Variants in MYO1D observed in about 807,000 individuals in gnomAD.
The protein encoded by MYO1D is myosin ID, also known as unconventional myosin-Id.
In MYO1D, 83 loss-of-function variants were observed where a neutral mutation model predicts 122.0. The observed-to-expected ratio is 0.68, with a 90% CI of 0.57 to 0.82. The LOEUF (loss-of-function observed/expected upper bound fraction) is 0.82, where lower values mean the gene tolerates loss of function less well. Ranked by LOEUF, MYO1D falls within the 40% of genes least tolerant of loss-of-function variation. The probability of loss-of-function intolerance (pLI) is 0.00; values close to 1 mark genes in which losing one functional copy is unlikely to be tolerated. For synonymous variants in MYO1D, 464 were observed against 446.9 expected, an observed-to-expected ratio of 1.04 and a Z score of -0.48; for missense variants, 1,157 against 1,269.5, an observed-to-expected ratio of 0.91 and a Z score of 1.35.
chr17:32,772,829 A>G lies in MYO1D; in HGVS notation c.578T>C (p.Val193Ala), dbSNP rs764291870. ...AAAGCTTCTTTCTCCTGGCTGTTGC[A>G]CAATCACTCGAGACTAAGAAAAAAC... is the stretch of plus-strand genomic sequence containing the variant. ...NYLLEKSRVI[V>A]QQPGERSFHS... The change falls in exon 5 of 22, where the codon GTG (valine) becomes GCG (alanine). Residue 193 changes from valine (V) to alanine (A), a missense_variant. Physicochemically the swap from Val to Ala is moderately conservative, Grantham distance 64. Transcript: ENST00000318217. The G allele has an allele frequency of 1.9e-6, 3 of 1,613,710 alleles. No individual in the cohort carries two copies. The highest frequency in any genetic ancestry group is 2.5e-6 in the Non-Finnish European group (3 of 1,179,556).
intron 21 of MYO1D, among the ~76,000 whole-genome samples, chr17:32,502,897 C>T (rs904697306): frequency 3.3e-5 from 5 of 152,186 alleles, no homozygotes; most frequent in African/African-American, 9.7e-5. Context: ...GGACAGCTGC[C>T]GAGGGAGGCT....
chr17:32,612,329 C>G (rs1310452781), intron 20 of MYO1D, among the ~76,000 whole-genome samples: 2 of 152,046 alleles, frequency 1.3e-5, no homozygotes, highest in African/African-American at 4.8e-5. Flanking sequence ...AAAAAACAGG[C>G]AAAACCGCAA....
chr17:32,639,360 AT>A (rs560119328), intron 19 of MYO1D, among the ~76,000 whole-genome samples: 1 of 100,014 alleles, frequency 1.0e-5, no homozygotes, highest in Non-Finnish European at 2.1e-5. Flanking sequence ...ATTGGGAGAA[AT>A]TTTGTGTGTG....
intron 21 of MYO1D, among the ~76,000 whole-genome samples, chr17:32,595,371 T>C (rs138201046): frequency 1.9e-4 from 29 of 152,324 alleles, no homozygotes; most frequent in South Asian, 1.5e-3. Context: ...TCTGAGGTGA[T>C]AGATATGCTA....
At chr17:32,713,815 G>A (rs914906592) in intron 15 of MYO1D, among the ~76,000 whole-genome samples, 1 of 151,968 alleles carries the variant, frequency 6.6e-6, no homozygotes. Context: ...GTAGAGATGG[G>A]GTTTTACCAT....
chr17:32,667,116 G>A (rs776781777), intron 16 of MYO1D, among the ~76,000 whole-genome samples: 9 of 152,178 alleles, frequency 5.9e-5, no homozygotes, highest in African/African-American at 1.7e-4. Flanking sequence ...ATGAACTCTC[G>A]TTGAATGAAC....
intron 1 of MYO1D, among the ~76,000 whole-genome samples, chr17:32,820,887 A>C (rs2090655363): frequency 1.3e-5 from 2 of 152,000 alleles, no homozygotes; most frequent in Admixed American, 6.5e-5. Flanking sequence ...TTTAACTTTT[A>C]TTTTAAGTTA....
At chr17:32,750,384 C>T (rs1331931226) in intron 11 of MYO1D, among the ~76,000 whole-genome samples, 7 of 152,030 alleles carry the variant, frequency 4.6e-5, no homozygotes, top group African/African-American at 9.7e-5. Flanking sequence ...GAAGCTGAGG[C>T]GGGCGGATTC....
chr17:32,828,653 G>A (rs2090745656), intron 1 of MYO1D, among the ~76,000 whole-genome samples: 1 of 152,150 alleles, frequency 6.6e-6, no homozygotes, highest in African/African-American at 2.4e-5. Flanking sequence ...ATGCAGAGAG[G>A]GAGGGAGGGA....
intron 1 of MYO1D, among the ~76,000 whole-genome samples, chr17:32,804,198 C>A (rs2090486998): frequency 6.6e-6 from 1 of 152,072 alleles, no homozygotes; most frequent in African/African-American, 2.4e-5. Context: ...CAATACTATG[C>A]AAACACGATG....
intron 1 of MYO1D, among the ~76,000 whole-genome samples, chr17:32,786,687 G>C (rs2090297726): frequency 6.6e-6 from 1 of 152,178 alleles, no homozygotes; most frequent in Non-Finnish European, 1.5e-5. Context: ...GGGAGTGGTG[G>C]CGCATACCTG....
At chr17:32,560,576 T>TATATATATAA (rs2087114756) in intron 21 of MYO1D, among the ~76,000 whole-genome samples, 1 of 112,092 alleles carries the variant, frequency 8.9e-6, no homozygotes, top group African/African-American at 3.5e-5. Context: ...TATATATATA[T>TATATATATAA]AACTTTTATA....
intron 1 of MYO1D, among the ~76,000 whole-genome samples, chr17:32,840,284 T>C (rs1304576549): frequency 2.0e-5 from 3 of 152,142 alleles, no homozygotes; most frequent in African/African-American, 7.2e-5. Flanking sequence ...GTTGCAAGGG[T>C]ATCTCATACG....
At chr17:32,766,634 T>TA (rs889859496) in intron 7 of MYO1D, among the ~76,000 whole-genome samples, 44 of 151,584 alleles carry the variant, frequency 2.9e-4, no homozygotes, top group African/African-American at 1.0e-3. Flanking sequence ...CTACTAAAAA[T>TA]AAAAAAAATT....
At chr17:32,724,531 G>A (rs2089549706) in intron 14 of MYO1D, among the ~76,000 whole-genome samples, 1 of 152,188 alleles carries the variant, frequency 6.6e-6, no homozygotes, top group African/African-American at 2.4e-5. Context: ...AGAAAACCGT[G>A]GAGGAGAACC....
intron 4 of MYO1D, among the ~76,000 whole-genome samples, chr17:32,773,249 G>A (rs185537182): frequency 3.8e-4 from 58 of 152,070 alleles, no homozygotes; most frequent in Admixed American, 1.1e-3. Flanking sequence ...CAATTTCGGC[G>A]CCACCCTTCA....
intron 11 of MYO1D, among the ~76,000 whole-genome samples, chr17:32,754,823 CATATTCCATGCAAATGGA>C (rs143683835): frequency 0.04 from 6,058 of 152,222 alleles, 399 homozygotes; most frequent in African/African-American, 0.14. Flanking sequence ...TAATAGCAAA[CATATTCCATGCAAATGGA>C]ATATTCCATG....
intron 13 of MYO1D, among the ~76,000 whole-genome samples, chr17:32,740,905 C>T (rs1219144793): frequency 1.3e-5 from 2 of 152,154 alleles, no homozygotes; most frequent in East Asian, 3.8e-4. Context: ...AACAAGACAG[C>T]AGTAAAGAGT....
chr17:32,573,295 C>T (rs896918849), intron 21 of MYO1D, among the ~76,000 whole-genome samples: 4 of 152,034 alleles, frequency 2.6e-5, no homozygotes, highest in Non-Finnish European at 4.4e-5. Flanking sequence ...GAATAAAATC[C>T]CTTGAATCCC....
Sources: gnomAD v4.1 joint callset for allele counts (sites outside exome capture counted in the v4.1 genomes callset) on GRCh38, gnomAD v4.1.1 for gene constraint, MANE v1.5 for transcripts, NCBI Gene and HGNC (gene_info 2026-07-23, HGNC 2026-07-21) for gene names.